Variants in SMS observed in about 807,000 individuals in gnomAD.
SMS encodes the protein spermidine aminopropyltransferase.
In SMS, 3 loss-of-function variants were observed where a neutral mutation model predicts 33.0. The observed-to-expected ratio is 0.09, with a 90% CI of 0.04 to 0.23. SMS has a LOEUF of 0.23. Among genes scored for constraint, SMS ranks in the 10% least tolerant of loss-of-function variants. SMS has a pLI of 1.00. For synonymous variants in SMS, 103 were observed against 112.2 expected, an observed-to-expected ratio of 0.92 and a Z score of 0.52; for missense variants, 117 against 288.6, an observed-to-expected ratio of 0.41 and a Z score of 4.31.
intron 1 of SMS, among the ~76,000 whole-genome samples, chrX:21,954,166 A>G (rs1400462394): frequency 2.7e-5 from 3 of 112,029 alleles, no homozygotes; most frequent in African/African-American, 9.7e-5. Context: ...AATATTCCTC[A>G]GATTATTCTA....
At chrX:21,983,200 C>T (rs1009094717) in intron 7 of SMS, among the ~76,000 whole-genome samples, 1 of 109,630 alleles carries the variant, frequency 9.1e-6, no homozygotes, top group African/African-American at 3.3e-5. Context: ...CCACTAGGCC[C>T]AGCTGATTTT....
In SMS at chrX:21,941,529, T is replaced by C. The variant is rs186473801; in HGVS notation, c.49+656T>C. 3.7e-5 allele frequency among the ~76,000 whole-genome samples: 4 copies of C among 109,548 alleles called. No homozygotes were observed. In the Admixed American group the frequency reaches 3.8e-4, roughly 10 times the overall value. On this transcript the variant is annotated intron_variant, in intron 1 of 10. Coordinates refer to ENST00000404933, the MANE Select transcript of SMS (RefSeq NM_004595.5). ...CGGGAAAAGGAAACGATTATTATTA[T>C]TGGGGGTGGGGAGGCATGAGGTCTG...
At chrX:21,966,737 C>CGG (rs1230738025) in intron 1 of SMS, among the ~76,000 whole-genome samples, 1 of 112,400 alleles carries the variant, frequency 8.9e-6, no homozygotes, top group Admixed American at 9.5e-5. Context: ...TTATATTACT[C>CGG]ATCAGCAGTG....
At chrX:21,967,351 T>C (rs1923805081) in intron 2 of SMS, 35 bp downstream of exon 2, 1 of 1,198,074 alleles carries the variant, frequency 8.3e-7, no homozygotes, top group African/African-American at 1.8e-5. Context: ...TCATACCTGG[T>C]CACTTATGAG....
intron 5 of SMS, 35 bp downstream of exon 5, chrX:21,977,271 A>C (rs1924595598): frequency 9.0e-7 from 1 of 1,110,127 alleles, no homozygotes; most frequent in Admixed American, 2.2e-5. Flanking sequence ...TCACGTAACA[A>C]AGTGGTGATG....
intron 7 of SMS, among the ~76,000 whole-genome samples, chrX:21,982,061 C>T (rs752327207): frequency 1.4e-4 from 15 of 110,171 alleles, no homozygotes; most frequent in South Asian, 7.7e-4. Context: ...AGGCCGGGCG[C>T]GGTGGCTCAC....
chrX:21,978,957 C>G lies in SMS; in HGVS notation c.741C>G (p.Asp247Glu), dbSNP rs950063409. The part of the protein sequence containing the change: ...CGDVLDNLKG[D>E]CYQVLIEDCI... ...ATGTCTTAGACAATCTTAAAGGAGA[C>G]TGCTATCAGGTAATTGTTTTCTGGA... Residue 247 changes from aspartate to glutamate, a missense_variant, in exon 7 of 11, where the codon GAC (aspartate) becomes GAG (glutamate). Around this residue, in one of 3 missense-constraint regions of SMS, gnomAD observed 69 missense variants for 203.8 expected, o/e 0.34. Coordinates refer to ENST00000404933, the MANE Select transcript of SMS (RefSeq NM_004595.5). 3 of 1,167,313 alleles carry G rather than the reference C, an allele frequency of 2.6e-6. No individual in the cohort carries two copies. The highest frequency in any genetic ancestry group is 3.5e-6 in the Non-Finnish European group (3 of 855,040).
At chrX:21,968,197 G>A (rs2147509057) in intron 2 of SMS, among the ~76,000 whole-genome samples, 1 of 112,743 alleles carries the variant, frequency 8.9e-6, no homozygotes, top group East Asian at 2.8e-4. Flanking sequence ...AGGGCCCCAG[G>A]GGCAGCCCGA....
rs141565064 is a variant in SMS at position 21,978,057 on chromosome X, C to T, written c.603C>T (p.Asp201=). The T allele has an allele frequency of 2.7e-5, 33 of 1,206,385 alleles. No homozygotes were observed. The Admixed American group carries it at 3.7e-4, about 14-fold the overall frequency. The change falls in exon 6 of 11, where the codon GAC becomes GAT. Residue 201 remains aspartate, a synonymous_variant. Coordinates refer to ENST00000404933, the MANE Select transcript of SMS (RefSeq NM_004595.5). ...GKDVLILGGG[D]GGILCEIVKL... is the part of the protein sequence containing the mutation. ...ATGTACTCATTCTGGGAGGTGGAGACGGAGGCATATTGTGTGAAATAGTCA... is the reference window on the plus strand; with the variant it reads ...ATGTACTCATTCTGGGAGGTGGAGATGGAGGCATATTGTGTGAAATAGTCA...
At chrX:21,971,018 G>A (rs1451291768) in intron 2 of SMS, among the ~76,000 whole-genome samples, 1 of 109,653 alleles carries the variant, frequency 9.1e-6, no homozygotes, top group Non-Finnish European at 1.9e-5. Context: ...CCAACATGGT[G>A]AAACCCCGTC....
intron 10 of SMS, 128 bp from the exon 11 acceptor site, chrX:21,994,184 C>A: frequency 1.5e-6 from 1 of 648,653 alleles, no homozygotes; most frequent in East Asian, 3.4e-5. Context: ...CCTTCGTTCT[C>A]ATTCCCACAG....
chrX:21,947,300 T>G (rs1406599641), intron 1 of SMS, among the ~76,000 whole-genome samples: 3 of 111,399 alleles, frequency 2.7e-5, no homozygotes, highest in South Asian at 3.8e-4. Flanking sequence ...CTTTCGGGGC[T>G]GATGACTGGG....
intron 1 of SMS, among the ~76,000 whole-genome samples, chrX:21,944,238 G>A (rs769904773): frequency 1.3e-4 from 15 of 111,142 alleles, no homozygotes; most frequent in Non-Finnish European, 2.5e-4. Flanking sequence ...TGAAGTATTG[G>A]ACTATAAGGA....
intron 1 of SMS, among the ~76,000 whole-genome samples, chrX:21,949,440 G>A (rs375266138): frequency 8.9e-6 from 1 of 112,210 alleles, no homozygotes; most frequent in Admixed American, 9.4e-5. Flanking sequence ...GAAGGGTAAC[G>A]AAAGCTCTGC....
intron 1 of SMS, chrX:21,960,035 CCG>C (rs3831664): frequency 0.33 from 136,767 of 419,827 alleles, 20,765 homozygotes; most frequent in African/African-American, 0.75. Flanking sequence ...GTGTGTACAT[CCG>C]TGTGTGTGTG....
chrX:21,947,702 A>G (rs1922332977), intron 1 of SMS, among the ~76,000 whole-genome samples: 1 of 111,265 alleles, frequency 9.0e-6, no homozygotes, highest in Admixed American at 9.5e-5. Flanking sequence ...CCCTTTTCCC[A>G]TTTAAAAACT....
chrX:21,952,405 C>T (rs1287266104), intron 1 of SMS, among the ~76,000 whole-genome samples: 1 of 77,598 alleles, frequency 1.3e-5, no homozygotes, highest in Non-Finnish European at 2.2e-5. Context: ...TGGTGGATCA[C>T]GTTGTTTGTT....
At chrX:21,984,187 G>T (rs1925166895) in intron 7 of SMS, 117 bp from the exon 8 acceptor site, 2 of 563,813 alleles carry the variant, frequency 3.5e-6, no homozygotes, top group Non-Finnish European at 6.4e-6. Flanking sequence ...AGTTGCTGTG[G>T]ATAGCTGTGG....
At chrX:21,953,963 C>CTCG (rs72317620) in intron 1 of SMS, among the ~76,000 whole-genome samples, 1,320 of 104,346 alleles carry the variant, frequency 0.013, 29 homozygotes, top group African/African-American at 0.043. Context: ...TCTTGAAGTA[C>CTCG]TAGTGTGGAT....
Sources: gnomAD v4.1 joint callset for allele counts (sites outside exome capture counted in the v4.1 genomes callset) on GRCh38, gnomAD v4.1.1 for gene constraint, gnomAD v4.1.1 regional missense constraint, MANE v1.5 for transcripts, NCBI Gene and HGNC (gene_info 2026-07-23, HGNC 2026-07-21) for gene names.